The following ITGA9 variants were observed in gnomAD, a reference collection of about 807,000 sequenced individuals.
ITGA9 encodes integrin alpha-9.
Under a neutral mutation model 127.8 loss-of-function variants are expected in ITGA9, and 56 were observed. That is an observed-to-expected ratio of 0.44 (90% CI 0.35 to 0.55). The LOEUF is 0.55. Among genes scored for constraint, ITGA9 ranks in the 20% least tolerant of loss-of-function variants. The pLI is 0.00. For missense variants in ITGA9, 1,196 were observed against 1,347.1 expected (o/e 0.89, Z 1.76); for synonymous variants, 508 against 514.5 (o/e 0.99, Z 0.17).
intron 27 of ITGA9, among the ~76,000 whole-genome samples, chr3:37,816,060 G>C (rs1458280395): frequency 6.6e-6 from 1 of 152,170 alleles, no homozygotes; most frequent in Non-Finnish European, 1.5e-5. Flanking sequence ...TCATCCAATT[G>C]TCAAAGCTAG....
At chr3:37,592,104 G>T (rs149853130) in intron 15 of ITGA9, among the ~76,000 whole-genome samples, 1 of 152,240 alleles carries the variant, frequency 6.6e-6, no homozygotes, top group East Asian at 1.9e-4. Context: ...CCTCCAGCCT[G>T]TCTCTTTCAT....
intron 18 of ITGA9, among the ~76,000 whole-genome samples, chr3:37,689,818 C>G (rs1700814726): frequency 6.6e-6 from 1 of 152,198 alleles, no homozygotes; most frequent in Non-Finnish European, 1.5e-5. Context: ...CTCTTCTTGC[C>G]TTTGTCAAAC....
intron 14 of ITGA9, 99 bp downstream of exon 14, chr3:37,533,567 T>G: frequency 1.6e-6 from 2 of 1,278,088 alleles, no homozygotes; most frequent in Non-Finnish European, 2.2e-6. Flanking sequence ...CCCAGCTGGT[T>G]TTGCAGGCAG....
chr3:37,491,548 C>A (rs1698674105), intron 4 of ITGA9, among the ~76,000 whole-genome samples: 1 of 152,154 alleles, frequency 6.6e-6, no homozygotes, highest in African/African-American at 2.4e-5. Context: ...CTGGAGGTCA[C>A]CCCCACCCCT....
chr3:37,816,411 T>C (rs934834311), intron 27 of ITGA9, among the ~76,000 whole-genome samples: 1 of 152,352 alleles, frequency 6.6e-6, no homozygotes, highest in East Asian at 1.9e-4. Flanking sequence ...TAGAGAATCC[T>C]ATTTCCCTGT....
chr3:37,605,723 G>A (rs1699961743), intron 15 of ITGA9, among the ~76,000 whole-genome samples: 3 of 152,086 alleles, frequency 2.0e-5, no homozygotes, highest in African/African-American at 4.8e-5. Flanking sequence ...TTGGGAAAAC[G>A]ACTCAGCTGC....
chr3:37,678,695 C>T (rs1025828918), intron 17 of ITGA9, among the ~76,000 whole-genome samples: 3 of 151,992 alleles, frequency 2.0e-5, no homozygotes, highest in Non-Finnish European at 4.4e-5. Context: ...TCTAAGTGAT[C>T]CAACAGAATA....
chr3:37,518,091 C>CGTGTGTGTGTGTGTGTGTGT (rs1491416800), intron 10 of ITGA9, among the ~76,000 whole-genome samples: 598 of 51,842 alleles, frequency 0.012, 4 homozygotes, highest in South Asian at 0.019. Context: ...TGAGAGTGTA[C>CGTGTGTGTGTGTGTGTGTGT]GCGTGTGTGT....
At chr3:37,626,607 T>G (rs371202787) in intron 15 of ITGA9, among the ~76,000 whole-genome samples, 1 of 152,196 alleles carries the variant, frequency 6.6e-6, no homozygotes, top group Non-Finnish European at 1.5e-5. Context: ...TTGCTTGAGC[T>G]TAAGAGTTCA....
At chr3:37,640,231 G>T (rs1700319471) in intron 16 of ITGA9, among the ~76,000 whole-genome samples, 1 of 152,126 alleles carries the variant, frequency 6.6e-6, no homozygotes. Context: ...TTTCCAGGTG[G>T]GTCCAATCTA....
intron 15 of ITGA9, among the ~76,000 whole-genome samples, chr3:37,602,212 T>C (rs567077407): frequency 1.3e-5 from 2 of 148,488 alleles, no homozygotes; most frequent in East Asian, 4.0e-4. Flanking sequence ...AAATCAAAAT[T>C]GATGGCTTTA....
At chr3:37,789,892 C>T in intron 26 of ITGA9, 1 of 598,262 alleles carries the variant, frequency 1.7e-6, no homozygotes, top group East Asian at 5.1e-5. Flanking sequence ...ATGAGGAGTA[C>T]ACATAGGAAA....
At chr3:37,774,132 T>G (rs1024847384) in intron 23 of ITGA9, among the ~76,000 whole-genome samples, 7 of 152,260 alleles carry the variant, frequency 4.6e-5, no homozygotes, top group African/African-American at 1.7e-4. Context: ...TGCGTAGCAC[T>G]GCAGCAGTTG....
intron 22 of ITGA9, 83 bp downstream of exon 22, chr3:37,744,117 C>G (rs1385586384): frequency 6.4e-6 from 6 of 940,742 alleles, no homozygotes; most frequent in Non-Finnish European, 8.8e-6. Flanking sequence ...GGGCTAAGCT[C>G]TTGTCAGGAG....
chr3:37,688,063 A>G (rs950205742), intron 18 of ITGA9, among the ~76,000 whole-genome samples: 2 of 152,216 alleles, frequency 1.3e-5, no homozygotes, highest in Non-Finnish European at 2.9e-5. Context: ...GTCATTCATC[A>G]TGGAGAACCA....
rs550630847 is a variant in ITGA9 at position 37,491,259 on chromosome 3, C to CA, written c.545-3241dup. On this transcript the variant is annotated intron_variant, in intron 4 of 27. Coordinates refer to ENST00000264741, the MANE Select transcript of ITGA9 (RefSeq NM_002207.3). Reference sequence around the variant, plus strand: ...CCCAAAGTGCTGGGATTACAGGTGTCAGCCACCGTGCTGGCCAGCTTCCCC... The same window carrying CA: ...CCCAAAGTGCTGGGATTACAGGTGTCAAGCCACCGTGCTGGCCAGCTTCCCC... 2.2e-3 allele frequency among the ~76,000 whole-genome samples: 333 copies of CA among 152,294 alleles called. 3 individuals are homozygous for CA. The highest frequency in any genetic ancestry group is 7.6e-3 in the African/African-American group (315 of 41,550).
chr3:37,616,368 G>A (rs1451360953), intron 15 of ITGA9, among the ~76,000 whole-genome samples: 1 of 152,190 alleles, frequency 6.6e-6, no homozygotes, highest in African/African-American at 2.4e-5. Context: ...ATTTGCTGAG[G>A]AGAGCTTTAC....
intron 11 of ITGA9, among the ~76,000 whole-genome samples, chr3:37,521,442 G>C (rs1031148421): frequency 1.9e-4 from 29 of 152,280 alleles, no homozygotes; most frequent in African/African-American, 6.7e-4. Context: ...TAAGATCCTT[G>C]TGTGCCTTTC....
chr3:37,479,176 T>G (rs1489768311), intron 3 of ITGA9, among the ~76,000 whole-genome samples: 1 of 152,228 alleles, frequency 6.6e-6, no homozygotes, highest in Non-Finnish European at 1.5e-5. Context: ...AAGAATTGAG[T>G]CAGAACTTTA....
Sources: gnomAD v4.1 joint callset for allele counts (sites outside exome capture counted in the v4.1 genomes callset) on GRCh38, gnomAD v4.1.1 for gene constraint, MANE v1.5 for transcripts, NCBI Gene and HGNC (gene_info 2026-07-23, HGNC 2026-07-21) for gene names.